The following XYLT1 variants were observed in gnomAD, a reference collection of about 807,000 sequenced individuals.
XYLT1 encodes the protein xylosyltransferase 1, also known as beta-D-xylosyltransferase 1.
A neutral mutation model predicts 91.3 loss-of-function variants in XYLT1; 36 were observed. The observed-to-expected ratio is 0.39, with a 90% CI of 0.30 to 0.52. XYLT1 has a LOEUF of 0.52. Ranked by LOEUF, XYLT1 falls within the 20% of genes least tolerant of loss-of-function variation. The pLI is 0.68. For synonymous variants in XYLT1, 588 were observed against 532.0 expected (o/e 1.11, Z -1.45); for missense variants, 1,242 against 1,284.5 (o/e 0.97, Z 0.51).
intron 1 of XYLT1, among the ~76,000 whole-genome samples, chr16:17,372,489 A>G (rs760020514): frequency 1.1e-4 from 16 of 152,248 alleles, no homozygotes; most frequent in African/African-American, 1.7e-4. Flanking sequence ...TACATTAGAT[A>G]GCTTCCATCA....
chr16:17,281,419 C>T (rs1210728670), intron 2 of XYLT1, among the ~76,000 whole-genome samples: 1 of 152,184 alleles, frequency 6.6e-6, no homozygotes, highest in Non-Finnish European at 1.5e-5. Flanking sequence ...ACTGAGTGTG[C>T]TGGGTGAGGG....
chr16:17,240,080 C>G (rs943887936), intron 3 of XYLT1, among the ~76,000 whole-genome samples: 1 of 152,130 alleles, frequency 6.6e-6, no homozygotes, highest in African/African-American at 2.4e-5. Flanking sequence ...TATTAATAAA[C>G]TGGAATAAAT....
rs117807895 is a variant in XYLT1, at chr16:17,198,082, A to G, written c.1289+130T>C. ...AATGAATCAATGATTCTCAGGTCCA[A>G]TCAGAATCCTATCCTGAGCGATCCT... On this transcript the variant is annotated intron_variant, in intron 5 of 11. Transcript: ENST00000261381. 4,785 of 915,548 alleles carry G rather than the reference A, an allele frequency of 5.2e-3. 24 individuals carry two copies. The highest frequency in any genetic ancestry group is 5.3e-3 in the Non-Finnish European group (3,150 of 598,170). 56.7% of individuals were successfully genotyped at this position (915,548 alleles called of 1,614,324 possible).
intron 3 of XYLT1, among the ~76,000 whole-genome samples, chr16:17,226,505 C>T (rs1300440009): frequency 6.6e-6 from 1 of 152,128 alleles, no homozygotes; most frequent in African/African-American, 2.4e-5. Context: ...AAAAATGTTT[C>T]CAGCAGGCAC....
At chr16:17,160,964 G>T (rs189390445) in intron 5 of XYLT1, among the ~76,000 whole-genome samples, 70 of 152,244 alleles carry the variant, frequency 4.6e-4, no homozygotes, top group African/African-American at 1.7e-3. Context: ...CATTATTGTT[G>T]TCCTGATGAA....
chr16:17,259,633 T>A, intron 2 of XYLT1, 135 bp from the exon 3 acceptor site: 2 of 1,042,462 alleles, frequency 1.9e-6, no homozygotes, highest in Non-Finnish European at 2.7e-6. Context: ...GCTACTGGTT[T>A]AACCTCTGGT....
intron 5 of XYLT1, among the ~76,000 whole-genome samples, chr16:17,191,706 C>T (rs1371681871): frequency 2.6e-5 from 4 of 152,180 alleles, no homozygotes; most frequent in Non-Finnish European, 4.4e-5. Flanking sequence ...CTGTCTTTAC[C>T]AGCTGGTGTT....
chr16:17,271,147 TG>T (rs1369388657), intron 2 of XYLT1, among the ~76,000 whole-genome samples: 4 of 96,688 alleles, frequency 4.1e-5, no homozygotes, highest in African/African-American at 3.4e-4. Context: ...GCCTCCTAAC[TG>T]TTTTTTGTTT....
At chr16:17,369,682 T>C (rs2035503629) in intron 1 of XYLT1, 1 of 152,216 alleles carries the variant, frequency 6.6e-6, no homozygotes, top group Admixed American at 6.5e-5. Flanking sequence ...AGTTGAGCAC[T>C]GAGGTTAATA....
intron 1 of XYLT1, among the ~76,000 whole-genome samples, chr16:17,457,825 C>T (rs2036764595): frequency 6.6e-6 from 1 of 151,844 alleles, no homozygotes; most frequent in South Asian, 2.1e-4. Flanking sequence ...AAGCATAGTC[C>T]TCCATTAAAA....
intron 1 of XYLT1, among the ~76,000 whole-genome samples, chr16:17,373,306 G>A (rs890183781): frequency 3.9e-5 from 6 of 152,174 alleles, no homozygotes; most frequent in African/African-American, 7.2e-5. Context: ...CAGTGCTCGG[G>A]CCACTGACGT....
chr16:17,143,313 C>T (rs915762118), intron 6 of XYLT1, among the ~76,000 whole-genome samples: 5 of 152,100 alleles, frequency 3.3e-5, no homozygotes, highest in African/African-American at 1.2e-4. Flanking sequence ...CCACTATCAC[C>T]ATTTTCACGT....
At chr16:17,138,253 C>A in intron 8 of XYLT1, 102 bp downstream of exon 8, 3 of 1,407,384 alleles carry the variant, frequency 2.1e-6, no homozygotes, top group Non-Finnish European at 2.9e-6. Flanking sequence ...CAGGTTTGGG[C>A]ACCATGTGAT....
chr16:17,161,675 G>GCTCTCT (rs111901583), intron 5 of XYLT1, among the ~76,000 whole-genome samples: 100 of 94,614 alleles, frequency 1.1e-3, no homozygotes, highest in Middle Eastern at 4.9e-3. Flanking sequence ...AGTTTCTCGC[G>GCTCTCT]CGCTCTCTCT....
intron 1 of XYLT1, among the ~76,000 whole-genome samples, chr16:17,394,829 G>C (rs988556938): frequency 6.6e-6 from 1 of 152,172 alleles, no homozygotes; most frequent in Non-Finnish European, 1.5e-5. Flanking sequence ...AGTATATAAA[G>C]CATTTGTTGG....
At chr16:17,158,057 T>C (rs1052335798) in intron 6 of XYLT1, among the ~76,000 whole-genome samples, 5 of 152,196 alleles carry the variant, frequency 3.3e-5, no homozygotes, top group African/African-American at 4.8e-5. Context: ...TTTAATGGTA[T>C]TTTCTATTGG....
intron 2 of XYLT1, among the ~76,000 whole-genome samples, chr16:17,293,901 A>G (rs2034270175): frequency 6.6e-6 from 1 of 152,196 alleles, no homozygotes; most frequent in Non-Finnish European, 1.5e-5. Flanking sequence ...AAATGCATCT[A>G]AACAATGCAG....
chr16:17,360,925 A>G (rs2035373544), intron 1 of XYLT1, among the ~76,000 whole-genome samples: 1 of 152,208 alleles, frequency 6.6e-6, no homozygotes, highest in African/African-American at 2.4e-5. Flanking sequence ...GTAACCATGG[A>G]ACCGCCTACA....
At chr16:17,445,331 G>A (rs546614436) in intron 1 of XYLT1, among the ~76,000 whole-genome samples, 3 of 152,348 alleles carry the variant, frequency 2.0e-5, no homozygotes, top group South Asian at 2.1e-4. Context: ...TGCCTGGCAC[G>A]TAGAGGCTGC....
Sources: allele counts gnomAD v4.1 joint callset (sites outside exome capture counted in the v4.1 genomes callset), GRCh38; gene constraint gnomAD v4.1.1; transcripts MANE v1.5; gene names NCBI Gene and HGNC (gene_info 2026-07-23, HGNC 2026-07-21).